APBB2: variants seen among roughly 807,000 people sequenced by gnomAD.
APBB2 encodes the protein amyloid beta precursor protein binding family B member 2.
A neutral mutation model predicts 82.5 loss-of-function variants in APBB2; 38 were observed. The observed-to-expected ratio is 0.46, with a 90% CI of 0.36 to 0.60. The LOEUF (loss-of-function observed/expected upper bound fraction) is 0.60, where lower values mean the gene tolerates loss of function less well. Ranked by LOEUF, APBB2 falls within the 20% of genes least tolerant of loss-of-function variation. The pLI is 0.00. For missense variants in APBB2, 772 were observed against 972.3 expected (o/e 0.79, Z 2.74); for synonymous variants, 341 against 368.2 (o/e 0.93, Z 0.85).
At chr4:41,005,555 A>C (rs115600280) in intron 6 of APBB2, among the ~76,000 whole-genome samples, 1 of 152,158 alleles carries the variant, frequency 6.6e-6, no homozygotes, top group African/African-American at 2.4e-5. Flanking sequence ...TGGGGGCTGC[A>C]TGCCCACCTC....
intron 3 of APBB2, among the ~76,000 whole-genome samples, chr4:41,092,059 T>C (rs1040526621): frequency 2.6e-5 from 4 of 152,206 alleles, no homozygotes; most frequent in Middle Eastern, 3.2e-3. Flanking sequence ...ATGGTCCAGA[T>C]CAAAATGCAG....
Position 40,825,912 on chromosome 4 carries a change from G to A in APBB2, c.1791C>T (p.Gly597=). Residue 597 remains glycine (G), a synonymous_variant, in exon 15 of 18, where the codon GGC becomes GGT. Transcript: ENST00000508593. ...CGACTGGTTTGTCTACAGGTAACAT[G>A]CCCAAGTACTGCACGTGGAACTTCT... is the stretch of plus-strand genomic sequence containing the variant. ...LVQKFHVQYL[G]MLPVDKPVGM... is the part of the protein sequence containing the mutation. 1 of 1,614,030 alleles carries A rather than the reference G, an allele frequency of 6.2e-7. No homozygotes were observed. The highest frequency in any genetic ancestry group is 8.5e-7 in the Non-Finnish European group (1 of 1,179,932).
At chr4:41,024,584 A>G (rs1449867020) in intron 5 of APBB2, among the ~76,000 whole-genome samples, 1 of 152,254 alleles carries the variant, frequency 6.6e-6, no homozygotes, top group Admixed American at 6.5e-5. Flanking sequence ...TCTCAATAAT[A>G]TTATCTAAGA....
chr4:41,124,879 G>C (rs1261356892), intron 2 of APBB2, among the ~76,000 whole-genome samples: 1 of 152,160 alleles, frequency 6.6e-6, no homozygotes, highest in East Asian at 1.9e-4. Flanking sequence ...TGCCATCCTA[G>C]TGAAGAAATT....
chr4:41,057,981 C>T (rs745768380), intron 4 of APBB2, among the ~76,000 whole-genome samples: 7 of 152,150 alleles, frequency 4.6e-5, no homozygotes, highest in Non-Finnish European at 1.0e-4. Flanking sequence ...TCTGACCTAC[C>T]CCCAGCATCC....
intron 1 of APBB2, among the ~76,000 whole-genome samples, chr4:41,159,974 A>AGAAGAG (rs1764605947): frequency 8.5e-6 from 1 of 117,006 alleles, no homozygotes; most frequent in Admixed American, 7.9e-5. Flanking sequence ...AAGAAGAAGA[A>AGAAGAG]GAAGAAGAAG....
intron 12 of APBB2, among the ~76,000 whole-genome samples, chr4:40,847,663 A>G (rs1577928168): frequency 6.6e-6 from 1 of 152,208 alleles, no homozygotes; most frequent in East Asian, 1.9e-4. Flanking sequence ...ACCCAGCCAC[A>G]TGGAGGACCT....
chr4:41,143,543 G>A (rs894305701), intron 1 of APBB2, among the ~76,000 whole-genome samples: 6 of 152,140 alleles, frequency 3.9e-5, no homozygotes, highest in African/African-American at 4.8e-5. Flanking sequence ...TTCCCCTTAG[G>A]AACTGAAACA....
chr4:40,891,869 C>G (rs975294390), intron 11 of APBB2, among the ~76,000 whole-genome samples: 1 of 152,078 alleles, frequency 6.6e-6, no homozygotes, highest in East Asian at 1.9e-4. Context: ...TAAATCCTAG[C>G]CAAGAAAGAA....
intron 6 of APBB2, among the ~76,000 whole-genome samples, chr4:40,995,631 C>A (rs948306792): frequency 6.6e-6 from 1 of 151,454 alleles, no homozygotes; most frequent in Non-Finnish European, 1.5e-5. Context: ...ACAGCCTCGA[C>A]TTCCTGAGTT....
At chr4:41,105,827 G>A (rs9996862) in intron 2 of APBB2, among the ~76,000 whole-genome samples, 150,882 of 151,278 alleles carry the variant, frequency 1, 75,243 homozygotes, top group Middle Eastern at 1. Flanking sequence ...CGGAGCTTGC[G>A]GTGAGCCCAG....
At chr4:41,206,182 G>A (rs1433449278) in intron 1 of APBB2, among the ~76,000 whole-genome samples, 6 of 152,306 alleles carry the variant, frequency 3.9e-5, no homozygotes, top group South Asian at 2.1e-4. Flanking sequence ...TGGGTGGTAG[G>A]CAGGAATAAA....
At chr4:41,016,382 C>T (rs2154431016) in intron 5 of APBB2, among the ~76,000 whole-genome samples, 1 of 152,284 alleles carries the variant, frequency 6.6e-6, no homozygotes, top group Admixed American at 6.5e-5. Flanking sequence ...CTAGCCACAG[C>T]CGGGTGCGGT....
At chr4:41,041,155 C>A (rs1462798160) in intron 4 of APBB2, among the ~76,000 whole-genome samples, 1 of 152,214 alleles carries the variant, frequency 6.6e-6, no homozygotes, top group African/African-American at 2.4e-5. Flanking sequence ...GCTGGGATTA[C>A]AGGTGTGATC....
intron 7 of APBB2, among the ~76,000 whole-genome samples, chr4:40,943,530 C>G (rs892162026): frequency 6.6e-6 from 1 of 152,170 alleles, no homozygotes; most frequent in Non-Finnish European, 1.5e-5. Context: ...ATCCCAGGAT[C>G]CAACTGGGTG....
intron 3 of APBB2, among the ~76,000 whole-genome samples, chr4:41,068,499 G>A (rs995622828): frequency 1.3e-5 from 2 of 152,154 alleles, no homozygotes; most frequent in African/African-American, 4.8e-5. Flanking sequence ...CAGGTAAATG[G>A]TCTGAGGACA....
intron 6 of APBB2, among the ~76,000 whole-genome samples, chr4:40,993,638 T>C (rs968555185): frequency 2.6e-5 from 4 of 152,056 alleles, no homozygotes; most frequent in Non-Finnish European, 5.9e-5. Context: ...TCCTCCTGCC[T>C]CAACCTCCCA....
At chr4:41,112,187 G>T (rs531679329) in intron 2 of APBB2, among the ~76,000 whole-genome samples, 1 of 152,316 alleles carries the variant, frequency 6.6e-6, no homozygotes, top group African/African-American at 2.4e-5. Context: ...GAGATCATTA[G>T]GAAAAGGCAA....
At chr4:40,835,934 C>G (rs930525595) in intron 12 of APBB2, among the ~76,000 whole-genome samples, 1 of 152,230 alleles carries the variant, frequency 6.6e-6, no homozygotes, top group African/African-American at 2.4e-5. Flanking sequence ...CTCTGGGGTC[C>G]CTGCTAGGAC....
Sources: allele counts gnomAD v4.1 joint callset (sites outside exome capture counted in the v4.1 genomes callset), GRCh38; gene constraint gnomAD v4.1.1; transcripts MANE v1.5; gene names NCBI Gene and HGNC (gene_info 2026-07-23, HGNC 2026-07-21).